The following PPP4R4 variants were observed in gnomAD, a reference collection of about 807,000 sequenced individuals.
The protein encoded by PPP4R4 is protein phosphatase 4 regulatory subunit 4.
A neutral mutation model predicts 121.8 loss-of-function variants in PPP4R4; 70 were observed. The ratio of observed to expected loss-of-function variants is 0.57; its 90% CI spans 0.47 to 0.70. PPP4R4 has a LOEUF of 0.70. Ranked by LOEUF, PPP4R4 falls within the 30% of genes least tolerant of loss-of-function variation. The pLI is 0.00. For missense variants in PPP4R4, 875 were observed against 1,033.6 expected (o/e 0.85, Z 2.10); for synonymous variants, 348 against 355.7 (o/e 0.98, Z 0.24).
At chr14:94,194,302 G>A (rs1462476182) in intron 2 of PPP4R4, among the ~76,000 whole-genome samples, 1 of 152,100 alleles carries the variant, frequency 6.6e-6, no homozygotes, top group African/African-American at 2.4e-5. Flanking sequence ...GAGTGGGCTT[G>A]TGTTCATTTT....
At chr14:94,271,990 C>T (rs1566707559) in intron 23 of PPP4R4, among the ~76,000 whole-genome samples, 1 of 152,078 alleles carries the variant, frequency 6.6e-6, no homozygotes, top group African/African-American at 2.4e-5. Context: ...AGGAAAACTA[C>T]AAAATTCTGA....
Position 94,231,374 on chromosome 14 carries a change from A to T in PPP4R4, c.516+59A>T, listed in dbSNP as rs1023005241. ...AAGTCACTCTAAGGTTTTTTTTTAA[A>T]AGGTTTCTTGTCAAAAATGGTTTTT... On this transcript the variant is annotated intron_variant, in intron 5 of 24. Transcript: ENST00000304338. The T allele has an allele frequency of 1.3e-5, 19 of 1,412,918 alleles. No homozygotes were observed. The African/African-American group carries it at 2.6e-4, about 19-fold the overall frequency. 87.5% of individuals were successfully genotyped at this position (1,412,918 alleles called of 1,614,324 possible). A position where few individuals can be genotyped will look rare whatever the true frequency, so the allele number is the denominator to read the frequency against.
At chr14:94,182,870 A>G (rs1889064999) in intron 2 of PPP4R4, among the ~76,000 whole-genome samples, 1 of 152,156 alleles carries the variant, frequency 6.6e-6, no homozygotes, top group Non-Finnish European at 1.5e-5. Context: ...TGCTTTGACC[A>G]GTTTGTACTT....
intron 3 of PPP4R4, among the ~76,000 whole-genome samples, chr14:94,221,841 A>T (rs923123598): frequency 2.0e-5 from 3 of 152,088 alleles, no homozygotes; most frequent in African/African-American, 7.2e-5. Context: ...CAGCTATTTA[A>T]TTCCTAAGGA....
At chr14:94,191,757 T>C (rs903240319) in intron 2 of PPP4R4, among the ~76,000 whole-genome samples, 8 of 152,310 alleles carry the variant, frequency 5.3e-5, no homozygotes, top group African/African-American at 1.9e-4. Context: ...AAAGGATACA[T>C]AGTGGACTTT....
chr14:94,200,912 G>A (rs776518728), intron 2 of PPP4R4, among the ~76,000 whole-genome samples: 24 of 151,736 alleles, frequency 1.6e-4, no homozygotes, highest in South Asian at 4.2e-4. Flanking sequence ...CTTGAGGTGC[G>A]ACCTCAGCTA....
chr14:94,225,339 G>C (rs533657747), intron 3 of PPP4R4, among the ~76,000 whole-genome samples: 2 of 152,196 alleles, frequency 1.3e-5, no homozygotes. Flanking sequence ...GTAATTTGGG[G>C]CCTGCTTTGG....
intron 15 of PPP4R4, 29 bp downstream of exon 15, chr14:94,250,306 A>G: frequency 6.8e-7 from 1 of 1,475,474 alleles, no homozygotes. Flanking sequence ...CTATTTTGAA[A>G]AAGGAAAGTA....
At chr14:94,180,521 T>C (rs2139376186) in intron 2 of PPP4R4, among the ~76,000 whole-genome samples, 1 of 152,218 alleles carries the variant, frequency 6.6e-6, no homozygotes, top group East Asian at 1.9e-4. Context: ...TTTAAAAATA[T>C]TTTTCACTTT....
chr14:94,235,362 ATGTT>A lies in PPP4R4; in HGVS notation c.731+699_731+702del, dbSNP rs1173963033. 5.6e-4 allele frequency among the ~76,000 whole-genome samples: 79 copies of A among 141,106 alleles called. 1 individual carries two copies. Among genetic ancestry groups the A allele is most frequent in the Admixed American group, 5.5e-3 (79 of 14,254 alleles). 92.6% of individuals were successfully genotyped at this position (141,106 alleles called of 152,430 possible). On this transcript the variant is annotated intron_variant, in intron 7 of 24. Coordinates refer to ENST00000304338, the MANE Select transcript of PPP4R4 (RefSeq NM_058237.2). ...GCTCCTGTGCAACTTCAGGCTTCCA[ATGTT>A]TGTTTTGTTGCTCTCCTTGTTCTTT...
intron 23 of PPP4R4, among the ~76,000 whole-genome samples, chr14:94,272,745 T>C (rs1178415669): frequency 6.6e-6 from 1 of 152,124 alleles, no homozygotes; most frequent in Non-Finnish European, 1.5e-5. Context: ...GCAAAACACA[T>C]AATCTGATAA....
intron 2 of PPP4R4, among the ~76,000 whole-genome samples, chr14:94,193,400 C>T (rs564579577): frequency 6.6e-6 from 1 of 152,182 alleles, no homozygotes; most frequent in Non-Finnish European, 1.5e-5. Flanking sequence ...GCTCTAATTT[C>T]CCCATCTACA....
chr14:94,195,675 T>TA (rs974166834), intron 2 of PPP4R4, among the ~76,000 whole-genome samples: 3 of 150,848 alleles, frequency 2.0e-5, no homozygotes, highest in Middle Eastern at 3.4e-3. Context: ...AAATGATGAT[T>TA]AAAAAAAAAT....
chr14:94,265,430 C>T lies in PPP4R4; in HGVS notation c.2241C>T (p.Ile747=). 6.2e-7 allele frequency: 1 copy of T among 1,613,256 alleles called. No homozygotes were observed. Among genetic ancestry groups the T allele is most frequent in the Non-Finnish European group, 8.5e-7 (1 of 1,179,252 alleles). The change falls in exon 21 of 25, where the codon ATC becomes ATT. Residue 747 remains isoleucine (I), a synonymous_variant. Transcript: ENST00000304338. ...CAACGCAAAGTCTGCCCAAGAACAT[C>T]CCCATTTCTGTTCCTGGACCCTCTT... The part of the protein sequence containing the change: ...KTPTQSLPKN[I]PISVPGPSSV...
intron 1 of PPP4R4, 147 bp from the exon 2 acceptor site, chr14:94,175,907 T>C (rs1888654853): frequency 3.0e-6 from 2 of 660,662 alleles, no homozygotes; most frequent in Admixed American, 2.6e-5. Context: ...TCGCCTGGTA[T>C]CCTCAGCTCC....
intron 2 of PPP4R4, among the ~76,000 whole-genome samples, chr14:94,187,041 G>A (rs1445510698): frequency 2.0e-5 from 3 of 152,088 alleles, no homozygotes; most frequent in South Asian, 2.1e-4. Flanking sequence ...TAGGCCGAGC[G>A]TGGTGGCTCA....
chr14:94,195,792 C>T (rs1373231178), intron 2 of PPP4R4, among the ~76,000 whole-genome samples: 2 of 152,156 alleles, frequency 1.3e-5, no homozygotes, highest in East Asian at 1.9e-4. Flanking sequence ...ACCCAATGTA[C>T]TACCCATAAT....
intron 3 of PPP4R4, among the ~76,000 whole-genome samples, chr14:94,229,672 A>T (rs1891905794): frequency 6.8e-6 from 1 of 147,518 alleles, no homozygotes; most frequent in Non-Finnish European, 1.5e-5. Flanking sequence ...ATGCAGAAGG[A>T]TTAATATTCC....
intron 3 of PPP4R4, among the ~76,000 whole-genome samples, chr14:94,222,193 G>C (rs1432179228): frequency 6.6e-6 from 1 of 151,618 alleles, no homozygotes; most frequent in African/African-American, 2.4e-5. Context: ...CTTACAATTT[G>C]CTTTTTCTTT....
Sources: allele counts gnomAD v4.1 joint callset (sites outside exome capture counted in the v4.1 genomes callset), GRCh38; gene constraint gnomAD v4.1.1; transcripts MANE v1.5; gene names NCBI Gene and HGNC (gene_info 2026-07-23, HGNC 2026-07-21).